Variants in ABHD3 observed in about 807,000 individuals in gnomAD.
The protein encoded by ABHD3 is abhydrolase domain containing 3, phospholipase.
Under a neutral mutation model 48.8 loss-of-function variants are expected in ABHD3, and 46 were observed. The observed-to-expected ratio is 0.94, with a 90% CI of 0.74 to 1.20. The LOEUF (loss-of-function observed/expected upper bound fraction) is 1.20. Ranked by LOEUF, ABHD3 falls within the 50% of genes most tolerant of loss-of-function variation. ABHD3 has a pLI of 0.00. For synonymous variants in ABHD3, 192 were observed against 183.7 expected (o/e 1.04, Z -0.36); for missense variants, 490 against 497.8 (o/e 0.98, Z 0.15).
rs1335900803 is a variant in ABHD3, at chr18:21,651,460, G to A, written c.*131C>T. 5 of 986,300 alleles carry A rather than the reference G, an allele frequency of 5.1e-6. No homozygotes were observed. The highest frequency in any genetic ancestry group is 2.7e-5 in the East Asian group (1 of 37,190). The allele number at this position is 986,300 out of a possible 1,614,324, so 61.1% of individuals were successfully genotyped here. ...TTTGTTTCTCTAAAAAGTAGTTTTTGCATATCATTCTGGACCTCTTCACCC... is the reference window on the plus strand; with the variant it reads ...TTTGTTTCTCTAAAAAGTAGTTTTTACATATCATTCTGGACCTCTTCACCC... On this transcript the variant is annotated 3_prime_UTR_variant, in exon 9 of 9. Coordinates refer to ENST00000289119, the MANE Select transcript of ABHD3 (RefSeq NM_138340.5).
intron 4 of ABHD3, among the ~76,000 whole-genome samples, chr18:21,672,775 G>T (rs1195115572): frequency 6.6e-6 from 1 of 152,170 alleles, no homozygotes; most frequent in Non-Finnish European, 1.5e-5. Context: ...TAATGAGTCA[G>T]ACAGAAGAAA....
intron 4 of ABHD3, among the ~76,000 whole-genome samples, chr18:21,681,679 C>T (rs1397956383): frequency 6.6e-6 from 1 of 152,160 alleles, no homozygotes; most frequent in Non-Finnish European, 1.5e-5. Context: ...TCTGGCCCTA[C>T]CCTTCTAGCA....
chr18:21,684,898 A>T (rs1454824566), intron 3 of ABHD3, among the ~76,000 whole-genome samples: 2 of 152,204 alleles, frequency 1.3e-5, no homozygotes, highest in African/African-American at 2.4e-5. Flanking sequence ...TCCTGTTTGC[A>T]TCTGCTGGGT....
intron 4 of ABHD3, among the ~76,000 whole-genome samples, chr18:21,676,169 T>C (rs1026246418): frequency 5.9e-5 from 9 of 152,118 alleles, no homozygotes; most frequent in Non-Finnish European, 1.2e-4. Flanking sequence ...AAACATTGGG[T>C]CTACAACAAT....
chr18:21,681,616 T>G (rs1380557799), intron 4 of ABHD3, among the ~76,000 whole-genome samples: 6 of 152,304 alleles, frequency 3.9e-5, no homozygotes, highest in Admixed American at 6.5e-5. Flanking sequence ...ATTATGCCCT[T>G]GCTTCAAAAT....
chr18:21,701,637 A>AT (rs2040515479), intron 3 of ABHD3: 1 of 152,198 alleles, frequency 6.6e-6, no homozygotes, highest in Non-Finnish European at 1.5e-5. Context: ...TAAAAAAAAA[A>AT]GCTGAGGCAC....
intron 3 of ABHD3, among the ~76,000 whole-genome samples, chr18:21,688,827 CA>C (rs2146324557): frequency 6.6e-6 from 1 of 151,998 alleles, no homozygotes; most frequent in Non-Finnish European, 1.5e-5. Flanking sequence ...GTAATCCAAG[CA>C]AAGATATAAG....
intron 4 of ABHD3, among the ~76,000 whole-genome samples, chr18:21,669,252 A>G (rs2039704876): frequency 6.6e-6 from 1 of 152,168 alleles, no homozygotes; most frequent in South Asian, 2.1e-4. Context: ...GCCTCAATAC[A>G]TAATGATCCA....
intron 3 of ABHD3, among the ~76,000 whole-genome samples, chr18:21,689,917 T>G (rs1453077307): frequency 2.6e-5 from 4 of 152,092 alleles, no homozygotes; most frequent in Non-Finnish European, 5.9e-5. Flanking sequence ...ATCCAGAGTC[T>G]CTACAATGGA....
chr18:21,666,841 G>GGCCCT (rs1451826574), intron 4 of ABHD3, among the ~76,000 whole-genome samples: 1 of 151,970 alleles, frequency 6.6e-6, no homozygotes, highest in Admixed American at 6.6e-5. Flanking sequence ...TGGGAGGAGG[G>GGCCCT]GGCAATCCTC....
chr18:21,681,241 T>A (rs1417545666), intron 4 of ABHD3, among the ~76,000 whole-genome samples: 1 of 152,064 alleles, frequency 6.6e-6, no homozygotes, highest in East Asian at 1.9e-4. Context: ...ACCCTAAACA[T>A]CTAAAATGGA....
chr18:21,655,165 A>T (rs995132799), intron 8 of ABHD3: 4 of 152,058 alleles, frequency 2.6e-5, no homozygotes, highest in African/African-American at 9.7e-5. Flanking sequence ...ATATATACAC[A>T]CACTGGGGAT....
chr18:21,656,948 C>A lies in ABHD3; in HGVS notation c.970G>T (p.Asp324Tyr). Reference protein sequence around the residue: ...GYQTIDDYYTDASPSPRLKSV... With the variant: ...GYQTIDDYYTYASPSPRLKSV... ...TTCAGTCTAGGACTCGGACTGGCAT[C>A]AGTATAATAATCATCAATTGTTTGG... The change falls in exon 8 of 9, where the codon GAT (aspartate) becomes TAT (tyrosine). Residue 324 changes from aspartate to tyrosine, a missense_variant. Transcript: ENST00000289119. 6.2e-7 allele frequency: 1 copy of A among 1,613,920 alleles called. No individual in the cohort carries two copies. The highest frequency in any genetic ancestry group is 8.5e-7 in the Non-Finnish European group (1 of 1,179,902).
chr18:21,694,526 A>G (rs913270068), intron 3 of ABHD3, among the ~76,000 whole-genome samples: 14 of 152,198 alleles, frequency 9.2e-5, no homozygotes, highest in African/African-American at 3.4e-4. Context: ...AGAATAAGAG[A>G]TCCTAATTCT....
intron 6 of ABHD3, among the ~76,000 whole-genome samples, 200 bp downstream of exon 6, chr18:21,658,970 C>T (rs1320705711): frequency 6.6e-6 from 1 of 151,964 alleles, no homozygotes; most frequent in African/African-American, 2.4e-5. Flanking sequence ...TCCTAAGTAG[C>T]TGGGACTACA....
rs772327212 is a variant in ABHD3, at chr18:21,704,502, A to T, written c.162+2T>A. The T allele has an allele frequency of 1.4e-6, 2 of 1,429,856 alleles. No individual in the cohort carries two copies. Among genetic ancestry groups the T allele is most frequent in the Non-Finnish European group, 1.8e-6 (2 of 1,083,034 alleles). 88.6% of individuals were successfully genotyped at this position (1,429,856 alleles called of 1,614,324 possible). On this transcript the variant is annotated splice_donor_variant, in intron 1 of 8. Transcript: ENST00000289119. LOFTEE classifies it high-confidence loss of function. The stretch of plus-strand genomic sequence containing the variant: ...CGCGGCCCTGCGCCACCCCCGGCTC[A>T]CCTTGGCAATGCTGCTCAGGTAGTA...
intron 3 of ABHD3, among the ~76,000 whole-genome samples, chr18:21,690,733 G>A (rs898756015): frequency 6.6e-6 from 1 of 151,328 alleles, no homozygotes; most frequent in African/African-American, 2.4e-5. Context: ...AGTGGCTCAT[G>A]CCTGTAATCC....
In ABHD3 at chr18:21,675,552, T is replaced by C. The variant is rs544031542; in HGVS notation, c.555+8368A>G. Reference sequence around the variant, plus strand: ...AAAGTGCTGGCGTTACAGGTATGAGTCACCGCACCCAGCCTGAGGTGGTTT... The same window carrying C: ...AAAGTGCTGGCGTTACAGGTATGAGCCACCGCACCCAGCCTGAGGTGGTTT... On this transcript the variant is annotated intron_variant, in intron 4 of 8. Coordinates refer to ENST00000289119, the MANE Select transcript of ABHD3 (RefSeq NM_138340.5). Among the ~76,000 whole-genome samples the C allele has an allele frequency of 5.9e-5, 9 of 151,932 alleles. 1 individual carries two copies. The highest frequency in any genetic ancestry group is 1.9e-4 in the East Asian group (1 of 5,130).
chr18:21,656,986 ACTGAAGTGAATCG>A lies in ABHD3; in HGVS notation c.919_931del (p.Arg307SerfsTer21). ...ATCAATTGTTTGGTATCCAAACATG[ACTGAAGTGAATCG>A]CTTATCAAACTCTCTGATGGATTTA... is the stretch of plus-strand genomic sequence containing the variant. On this transcript the variant is annotated frameshift_variant, in exon 8 of 9. Coordinates refer to ENST00000289119, the MANE Select transcript of ABHD3 (RefSeq NM_138340.5). LOFTEE classifies it high-confidence loss of function. The A allele has an allele frequency of 6.2e-7, 1 of 1,614,120 alleles. No homozygotes were observed. The highest frequency in any genetic ancestry group is 8.5e-7 in the Non-Finnish European group (1 of 1,180,014).
Sources: gnomAD v4.1 joint callset for allele counts (sites outside exome capture counted in the v4.1 genomes callset) on GRCh38, gnomAD v4.1.1 for gene constraint, MANE v1.5 for transcripts, NCBI Gene and HGNC (gene_info 2026-07-23, HGNC 2026-07-21) for gene names.